The following ZNF892 variants were observed in gnomAD, a reference collection of about 807,000 sequenced individuals.
ZNF892 encodes zinc finger protein 892.
chr2:95,214,372 C>T, the ZNF892 span: 1 of 398,342 alleles, frequency 2.5e-6, no homozygotes, highest in Non-Finnish European at 4.4e-6. Flanking sequence ...GAGCTAACTC[C>T]AGAGAAGGAT....
At chr2:95,254,600 T>C in the ZNF892 span, among the ~76,000 whole-genome samples, 7 of 152,334 alleles carry the variant, frequency 4.6e-5, no homozygotes, top group African/African-American at 1.7e-4. Context: ...CCTCATAAAA[T>C]GTGTTAGGGA....
At chr2:95,231,945 C>G in the ZNF892 span, 1 of 152,148 alleles carries the variant, frequency 6.6e-6, no homozygotes, top group Non-Finnish European at 1.5e-5. Context: ...CAGACTATGA[C>G]TCATACTCAT....
At chr2:95,240,859 A>G in the ZNF892 span, among the ~76,000 whole-genome samples, 1 of 152,126 alleles carries the variant, frequency 6.6e-6, no homozygotes, top group Non-Finnish European at 1.5e-5. Context: ...AGTGTCCCCC[A>G]CAATGCAGCA....
chr2:95,215,883 G>A, the ZNF892 span, among the ~76,000 whole-genome samples: 1 of 152,184 alleles, frequency 6.6e-6, no homozygotes, highest in Non-Finnish European at 1.5e-5. Context: ...AATGGGGTGT[G>A]CCATGGTGGA....
the ZNF892 span, among the ~76,000 whole-genome samples, chr2:95,211,184 TC>T: frequency 3.6e-4 from 55 of 152,200 alleles, no homozygotes; most frequent in Non-Finnish European, 6.5e-4. Flanking sequence ...CTGATTTCAT[TC>T]TTAGGAAAAC....
the ZNF892 span, among the ~76,000 whole-genome samples, chr2:95,235,995 C>A: frequency 2.0e-5 from 3 of 152,276 alleles, no homozygotes; most frequent in South Asian, 6.2e-4. Flanking sequence ...ATCTCCTGAA[C>A]TGCTTGGGCC....
At chr2:95,219,840 C>T in the ZNF892 span, among the ~76,000 whole-genome samples, 1 of 152,180 alleles carries the variant, frequency 6.6e-6, no homozygotes, top group Non-Finnish European at 1.5e-5. Flanking sequence ...CTTAATACTG[C>T]TCGGCAAGGG....
chr2:95,250,214 T>G, the ZNF892 span, among the ~76,000 whole-genome samples: 2 of 152,100 alleles, frequency 1.3e-5, no homozygotes, highest in African/African-American at 2.4e-5. Flanking sequence ...TTGTGTATTT[T>G]ATTGTTAGGT....
the ZNF892 span, among the ~76,000 whole-genome samples, chr2:95,247,996 C>G: frequency 5.9e-5 from 9 of 152,160 alleles, no homozygotes; most frequent in East Asian, 1.7e-3. Flanking sequence ...AGTGTATATC[C>G]AGAAGAAAAT....
At chr2:95,216,299 T>C in the ZNF892 span, among the ~76,000 whole-genome samples, 1 of 152,224 alleles carries the variant, frequency 6.6e-6, no homozygotes, top group East Asian at 1.9e-4. Flanking sequence ...TTTTTGTCTT[T>C]TAGACCTTGC....
chr2:95,247,426 A>G, the ZNF892 span, among the ~76,000 whole-genome samples: 2 of 152,170 alleles, frequency 1.3e-5, no homozygotes, highest in African/African-American at 2.4e-5. Context: ...CCTAGAAGAC[A>G]CCATTCTGGA....
the ZNF892 span, chr2:95,212,216 G>A: frequency 2.5e-6 from 1 of 398,472 alleles, no homozygotes; most frequent in African/African-American, 2.1e-5. Context: ...CACACCTGAT[G>A]TAATCTCTCA....
At chr2:95,206,500 G>A in the ZNF892 span, among the ~76,000 whole-genome samples, 1 of 152,176 alleles carries the variant, frequency 6.6e-6, no homozygotes, top group African/African-American at 2.4e-5. Flanking sequence ...TTCTACAGAA[G>A]TAAAAACATG....
At chr2:95,229,917 G>A in the ZNF892 span, among the ~76,000 whole-genome samples, 1 of 152,146 alleles carries the variant, frequency 6.6e-6, no homozygotes, top group Admixed American at 6.5e-5. Context: ...ATGAGTTCCA[G>A]TTTGTCAACA....
At chr2:95,208,131 T>G in the ZNF892 span, among the ~76,000 whole-genome samples, 3 of 152,318 alleles carry the variant, frequency 2.0e-5, no homozygotes, top group Non-Finnish European at 4.4e-5. Flanking sequence ...GAAGGAACTA[T>G]CCGACCCTTT....
the ZNF892 span, among the ~76,000 whole-genome samples, chr2:95,262,263 A>G: frequency 6.6e-6 from 1 of 152,326 alleles, no homozygotes; most frequent in Middle Eastern, 3.4e-3. Context: ...TGCTTGGTAC[A>G]CTCAGAACAA....
chr2:95,236,930 A>G, the ZNF892 span, among the ~76,000 whole-genome samples: 15 of 152,266 alleles, frequency 9.9e-5, no homozygotes, highest in South Asian at 2.5e-3. Context: ...ATACAGGCAT[A>G]TGTCATTTTT....
the ZNF892 span, among the ~76,000 whole-genome samples, chr2:95,229,410 G>A: frequency 6.6e-6 from 1 of 152,052 alleles, no homozygotes; most frequent in Non-Finnish European, 1.5e-5. Flanking sequence ...GCTCCTCCAT[G>A]CCCTTCCCTT....
the ZNF892 span, among the ~76,000 whole-genome samples, chr2:95,255,074 A>T: frequency 6.6e-6 from 1 of 151,798 alleles, no homozygotes; most frequent in Non-Finnish European, 1.5e-5. Context: ...GTGTCTCTAT[A>T]TCCTTCAGTT....
Sources: allele counts gnomAD v4.1 joint callset (sites outside exome capture counted in the v4.1 genomes callset), GRCh38; gene constraint gnomAD v4.1.1; transcripts MANE v1.5; gene names NCBI Gene and HGNC (gene_info 2026-07-23, HGNC 2026-07-21).